The following ANO4 variants were observed in gnomAD, a reference collection of about 807,000 sequenced individuals.
The protein encoded by ANO4 is anoctamin 4, also known as anoctamin-4.
ANO4 carries 69 observed loss-of-function variants against 141.9 expected under a neutral mutation model. The observed-to-expected ratio is 0.49, with a 90% CI of 0.40 to 0.59. The LOEUF (loss-of-function observed/expected upper bound fraction) is 0.59, where lower values mean the gene tolerates loss of function less well. Among genes scored for constraint, ANO4 ranks in the 20% least tolerant of loss-of-function variants. ANO4 has a pLI of 0.00. For synonymous variants in ANO4, 350 were observed against 394.3 expected (o/e 0.89, Z 1.33); for missense variants, 894 against 1,162.2 (o/e 0.77, Z 3.36).
At chr12:101,111,858 T>A in intron 24 of ANO4, 148 bp downstream of exon 24, 3 of 575,756 alleles carry the variant, frequency 5.2e-6, no homozygotes, top group Non-Finnish European at 8.0e-6. Context: ...TATGATTTAT[T>A]ATAAATAATA....
intron 1 of ANO4, among the ~76,000 whole-genome samples, chr12:100,804,601 T>TC (rs2034890405): frequency 6.6e-6 from 1 of 152,252 alleles, no homozygotes; most frequent in African/African-American, 2.4e-5. Flanking sequence ...CTCCACAACT[T>TC]TGACAGCATC....
intron 8 of ANO4, among the ~76,000 whole-genome samples, chr12:101,009,615 A>C (rs2136439811): frequency 6.6e-6 from 1 of 152,200 alleles, no homozygotes; most frequent in African/African-American, 2.4e-5. Context: ...TCTGTGCGTA[A>C]CCTTTCTCCT....
intron 1 of ANO4, among the ~76,000 whole-genome samples, chr12:100,853,053 A>G (rs1451203962): frequency 6.6e-6 from 1 of 152,222 alleles, no homozygotes; most frequent in Non-Finnish European, 1.5e-5. Flanking sequence ...CTAATGAAGT[A>G]GAGGACCTTT....
At chr12:100,909,574 G>A (rs2041008427) in intron 2 of ANO4, among the ~76,000 whole-genome samples, 1 of 152,142 alleles carries the variant, frequency 6.6e-6, no homozygotes, top group Admixed American at 6.5e-5. Flanking sequence ...AATAAATAAG[G>A]TTATGGCAGC....
At chr12:100,762,702 C>T (rs949633158) in intron 3 of ANO4, among the ~76,000 whole-genome samples, 102 of 152,094 alleles carry the variant, frequency 6.7e-4, no homozygotes, top group Non-Finnish European at 1.5e-4. Context: ...CCAGAACCTG[C>T]TCAATTTCTC....
chr12:101,061,825 A>G (rs2048360146), intron 14 of ANO4, among the ~76,000 whole-genome samples: 1 of 151,920 alleles, frequency 6.6e-6, no homozygotes, highest in Admixed American at 6.6e-5. Context: ...GGGTTAGAAC[A>G]TGCTCCTTTA....
rs1418880891 is a variant in ANO4 at position 101,017,944 on chromosome 12, G to A, written c.735-2090G>A. On this transcript the variant is annotated intron_variant, in intron 8 of 27. Transcript: ENST00000392977. ...AACAAAAATTTGAAGCTTGTCTGTG[G>A]TGCTTATTATAGAGAACATTTACAT... 2.6e-5 allele frequency among the ~76,000 whole-genome samples: 4 copies of A among 152,166 alleles called. No individual in the cohort carries two copies. The East Asian group carries it at 7.7e-4, about 29-fold the overall frequency.
intron 1 of ANO4, among the ~76,000 whole-genome samples, chr12:100,820,059 TCC>T (rs915313506): frequency 3.3e-5 from 5 of 151,914 alleles, no homozygotes; most frequent in African/African-American, 1.2e-4. Flanking sequence ...TTTGGGTTCC[TCC>T]CTCCCTCTAT....
Position 101,086,701 on chromosome 12 carries a change from C to G in ANO4, c.1578C>G (p.Tyr526Ter). Residue 526 changes from tyrosine (Y) to a stop codon, truncating the protein, a stop_gained, in exon 17 of 28, where the codon TAC becomes TAG. Transcript: ENST00000392977. LOFTEE classifies it high-confidence loss of function. ...CTGCCGTGTTCGGGATCGTCATTTACCGGGTGGTGACTGTCAGCACTTTCG... is the reference window on the plus strand; with the variant it reads ...CTGCCGTGTTCGGGATCGTCATTTAGCGGGTGGTGACTGTCAGCACTTTCG... ...VIAAVFGIVIYRVVTVSTFAA... is the reference protein window; with the variant it reads ...VIAAVFGIVI 6.2e-7 allele frequency: 1 copy of G among 1,613,778 alleles called. No homozygotes were observed. Among genetic ancestry groups the G allele is most frequent in the Non-Finnish European group, 8.5e-7 (1 of 1,179,780 alleles).
intron 14 of ANO4, among the ~76,000 whole-genome samples, chr12:101,064,695 T>A (rs1274837452): frequency 2.0e-5 from 3 of 146,644 alleles, no homozygotes; most frequent in Non-Finnish European, 3.0e-5. Flanking sequence ...ATAATAATAA[T>A]AAAAGATTAG....
intron 17 of ANO4, among the ~76,000 whole-genome samples, chr12:101,092,042 T>C (rs886470310): frequency 1.4e-4 from 21 of 152,236 alleles, no homozygotes; most frequent in Non-Finnish European, 3.1e-4. Context: ...GATCATATTG[T>C]CTCAATTCTG....
At chr12:101,062,748 G>T in intron 14 of ANO4, among the ~76,000 whole-genome samples, 1 of 152,216 alleles carries the variant, frequency 6.6e-6, no homozygotes, top group African/African-American at 2.4e-5. Context: ...CCAAGCTTGA[G>T]CATCCCAGGT....
intron 3 of ANO4, among the ~76,000 whole-genome samples, chr12:100,787,105 A>C (rs1206011437): frequency 6.6e-6 from 1 of 152,214 alleles, no homozygotes; most frequent in Non-Finnish European, 1.5e-5. Context: ...TGGGATACAA[A>C]GATGAATAAA....
intron 5 of ANO4, among the ~76,000 whole-genome samples, chr12:100,966,852 TAC>T (rs2136253366): frequency 1.4e-5 from 2 of 145,640 alleles, no homozygotes; most frequent in Admixed American, 6.9e-5. Context: ...CACACACATA[TAC>T]ACACATGTAT....
intron 1 of ANO4, among the ~76,000 whole-genome samples, chr12:100,835,571 A>G (rs1039211933): frequency 6.6e-6 from 1 of 152,164 alleles, no homozygotes; most frequent in African/African-American, 2.4e-5. Context: ...TATTAGTTGC[A>G]TGATCTGCAA....
upstream of ANO4, among the ~76,000 whole-genome samples, chr12:100,717,277 C>T (rs2030631925): frequency 6.6e-6 from 1 of 151,652 alleles, no homozygotes; most frequent in African/African-American, 2.4e-5. Context: ...CGCGGGGACC[C>T]GGAGCGCGGC....
At chr12:100,838,881 G>A (rs2037087347) in intron 1 of ANO4, among the ~76,000 whole-genome samples, 1 of 152,118 alleles carries the variant, frequency 6.6e-6, no homozygotes, top group African/African-American at 2.4e-5. Context: ...ATGGGTTAAA[G>A]CCTGAAGGAA....
In ANO4 at chr12:100,939,246, T is replaced by C. The variant is rs914130730; in HGVS notation, c.161-69T>C. The C allele has an allele frequency of 2.7e-6, 4 of 1,472,616 alleles. No homozygotes were observed. In the South Asian group the frequency reaches 5.2e-5, roughly 19 times the overall value. The allele number at this position is 1,472,616 out of a possible 1,614,324, so 91.2% of individuals were successfully genotyped here. ...AATATGAACCCAAAGGGAGATGTTT[T>C]CTCTTTTAGCATTGCTTTCAAGATC... On this transcript the variant is annotated intron_variant, in intron 3 of 27. Coordinates refer to ENST00000392977, the MANE Select transcript of ANO4 (RefSeq NM_001286615.2).
At chr12:101,055,465 C>G (rs915106509) in intron 14 of ANO4, among the ~76,000 whole-genome samples, 7 of 152,206 alleles carry the variant, frequency 4.6e-5, no homozygotes, top group Non-Finnish European at 8.8e-5. Context: ...TATTTGCAAT[C>G]TGCACATCTT....
Sources: gnomAD v4.1 joint callset for allele counts (sites outside exome capture counted in the v4.1 genomes callset) on GRCh38, gnomAD v4.1.1 for gene constraint, MANE v1.5 for transcripts, NCBI Gene and HGNC (gene_info 2026-07-23, HGNC 2026-07-21) for gene names.